GRXCR1: variants seen among roughly 807,000 people sequenced by gnomAD.
The protein encoded by GRXCR1 is glutaredoxin domain-containing cysteine-rich protein 1.
A neutral mutation model predicts 27.3 loss-of-function variants in GRXCR1; 27 were observed. That is an observed-to-expected ratio of 0.99 (90% CI 0.73 to 1.37). The LOEUF is 1.37. GRXCR1 is among the 40% of genes most tolerant of loss of function. GRXCR1 has a pLI of 0.00. For missense variants in GRXCR1, 379 were observed against 354.4 expected (o/e 1.07, Z -0.56); for synonymous variants, 122 against 131.1 (o/e 0.93, Z 0.47).
At chr4:43,000,883 G>C (rs1472088063) in intron 2 of GRXCR1, among the ~76,000 whole-genome samples, 1 of 152,030 alleles carries the variant, frequency 6.6e-6, no homozygotes, top group Admixed American at 6.6e-5. Context: ...TACTTGGACT[G>C]TATTTATAGC....
At chr4:42,921,633 A>T (rs943106119) in intron 1 of GRXCR1, among the ~76,000 whole-genome samples, 4 of 152,052 alleles carry the variant, frequency 2.6e-5, no homozygotes, top group Non-Finnish European at 4.4e-5. Flanking sequence ...GGTGAGATTT[A>T]AAAAATGGAT....
At chr4:42,911,905 T>C (rs1464179566) in intron 1 of GRXCR1, among the ~76,000 whole-genome samples, 5 of 152,136 alleles carry the variant, frequency 3.3e-5, no homozygotes, top group Non-Finnish European at 7.4e-5. Context: ...ACATAAGGTA[T>C]GTTTAAGAGC....
chr4:42,924,989 C>T (rs1037615806), intron 1 of GRXCR1, among the ~76,000 whole-genome samples: 3 of 151,528 alleles, frequency 2.0e-5, no homozygotes, highest in Non-Finnish European at 4.4e-5. Context: ...CTTTTACTTG[C>T]TTTCTGCAAT....
intron 1 of GRXCR1, among the ~76,000 whole-genome samples, chr4:42,904,990 A>C (rs1164537402): frequency 1.3e-5 from 2 of 152,104 alleles, no homozygotes; most frequent in Non-Finnish European, 2.9e-5. Flanking sequence ...GTCCTGGGCC[A>C]CTCCGTAAAA....
chr4:43,020,390 G>C lies in GRXCR1; in HGVS notation c.664G>C (p.Glu222Gln), dbSNP rs768007588. Reference sequence around the variant, plus strand: ...AATTTTGTCAATGAATGAATCAGGAGAACTGCAAGACATCCTAACCAAAAT... The same window carrying C: ...AATTTTGTCAATGAATGAATCAGGACAACTGCAAGACATCCTAACCAAAAT... ...EKILSMNESGELQDILTKIER... is the reference protein window; with the variant it reads ...EKILSMNESGQLQDILTKIER... The change falls in exon 3 of 4, where the codon GAA becomes CAA. Residue 222 changes from glutamate to glutamine, a missense_variant. By Grantham distance (29) the Glu-to-Gln change is conservative. Coordinates refer to ENST00000399770, the MANE Select transcript of GRXCR1 (RefSeq NM_001080476.3). 7 of 1,611,958 alleles carry C rather than the reference G, an allele frequency of 4.3e-6. No individual in the cohort carries two copies. The highest frequency in any genetic ancestry group is 4.5e-5 in the East Asian group (2 of 44,846).
At chr4:42,971,581 G>A (rs988930349) in intron 2 of GRXCR1, among the ~76,000 whole-genome samples, 1 of 152,030 alleles carries the variant, frequency 6.6e-6, no homozygotes, top group Admixed American at 6.6e-5. Flanking sequence ...GAAGGGAAAA[G>A]TTCCACCCAC....
chr4:42,912,995 C>T (rs1746760627), intron 1 of GRXCR1, among the ~76,000 whole-genome samples: 1 of 152,158 alleles, frequency 6.6e-6, no homozygotes, highest in Admixed American at 6.5e-5. Context: ...GGCACTCATT[C>T]TCTGTCCTGC....
intron 3 of GRXCR1, among the ~76,000 whole-genome samples, chr4:43,022,464 G>T (rs1292336493): frequency 1.3e-5 from 2 of 152,278 alleles, no homozygotes; most frequent in Non-Finnish European, 2.9e-5. Context: ...TCTTCATTAA[G>T]TCTGTCTCCA....
intron 3 of GRXCR1, among the ~76,000 whole-genome samples, chr4:43,027,664 T>C (rs1251033900): frequency 6.6e-6 from 1 of 152,204 alleles, no homozygotes; most frequent in East Asian, 1.9e-4. Flanking sequence ...TAGTCACAAA[T>C]ATATTTCATG....
chr4:42,954,376 G>A (rs986214337), intron 1 of GRXCR1, among the ~76,000 whole-genome samples: 2 of 152,126 alleles, frequency 1.3e-5, no homozygotes, highest in African/African-American at 4.8e-5. Context: ...TTTTAGAACA[G>A]GGTGGTCCTT....
At chr4:42,933,948 C>A (rs1747392729) in intron 1 of GRXCR1, among the ~76,000 whole-genome samples, 1 of 151,852 alleles carries the variant, frequency 6.6e-6, no homozygotes, top group Non-Finnish European at 1.5e-5. Context: ...CGCCACTCCA[C>A]CTCCTTCCCC....
At chr4:43,000,236 T>C (rs987808856) in intron 2 of GRXCR1, among the ~76,000 whole-genome samples, 4 of 152,110 alleles carry the variant, frequency 2.6e-5, no homozygotes, top group African/African-American at 9.6e-5. Flanking sequence ...TCCCAGCACT[T>C]TGGGAGGCCG....
At chr4:42,959,980 T>A (rs1203540349) in intron 1 of GRXCR1, among the ~76,000 whole-genome samples, 2 of 151,854 alleles carry the variant, frequency 1.3e-5, no homozygotes, top group African/African-American at 4.8e-5. Context: ...CAACAACAGG[T>A]AAAGGGATAT....
At chr4:42,960,262 TG>T (rs1748102254) in intron 1 of GRXCR1, among the ~76,000 whole-genome samples, 1 of 151,982 alleles carries the variant, frequency 6.6e-6, no homozygotes, top group Non-Finnish European at 1.5e-5. Flanking sequence ...TGGATCATTT[TG>T]GTAGAAAACT....
intron 1 of GRXCR1, among the ~76,000 whole-genome samples, chr4:42,927,432 A>G (rs758006038): frequency 6.6e-6 from 1 of 152,036 alleles, no homozygotes; most frequent in South Asian, 2.1e-4. Context: ...TGAGAATGGC[A>G]TCTGACAGTA....
chr4:42,910,792 A>G (rs146282686), intron 1 of GRXCR1, among the ~76,000 whole-genome samples: 1 of 152,232 alleles, frequency 6.6e-6, no homozygotes, highest in African/African-American at 2.4e-5. Context: ...CAGGTATCCT[A>G]AACGTACTTT....
chr4:43,009,521 T>C (rs903925207), intron 2 of GRXCR1, among the ~76,000 whole-genome samples: 2 of 152,126 alleles, frequency 1.3e-5, no homozygotes, highest in African/African-American at 4.8e-5. Context: ...TGCCATAAAC[T>C]GGTTGGCTTA....
intron 2 of GRXCR1, among the ~76,000 whole-genome samples, chr4:43,010,843 G>T (rs535271877): frequency 1.1e-4 from 16 of 152,284 alleles, no homozygotes; most frequent in African/African-American, 3.8e-4. Context: ...AAGTTACTAA[G>T]GTGCTATGTG....
chr4:42,998,438 C>T (rs1490261643), intron 2 of GRXCR1, among the ~76,000 whole-genome samples: 2 of 152,158 alleles, frequency 1.3e-5, no homozygotes, highest in Admixed American at 6.5e-5. Context: ...TACCTCCACA[C>T]ATCTGGAAAA....
Sources: gnomAD v4.1 joint callset for allele counts (sites outside exome capture counted in the v4.1 genomes callset) on GRCh38, gnomAD v4.1.1 for gene constraint, MANE v1.5 for transcripts, NCBI Gene and HGNC (gene_info 2026-07-23, HGNC 2026-07-21) for gene names.